Variants in ADGRA2 observed in about 807,000 individuals in gnomAD.
ADGRA2 encodes G-protein coupled receptor 124.
In ADGRA2, 61 loss-of-function variants were observed where a neutral mutation model predicts 98.7. That is an observed-to-expected ratio of 0.62 (90% CI 0.50 to 0.76). The LOEUF is 0.76. ADGRA2 is among the 30% of genes least tolerant of loss of function. The pLI, the probability that ADGRA2 is intolerant of heterozygous loss-of-function variation, is 0.00. For synonymous variants in ADGRA2, 858 were observed against 831.5 expected (o/e 1.03, Z -0.55); for missense variants, 1,712 against 1,860.0 (o/e 0.92, Z 1.46).
intron 2 of ADGRA2, among the ~76,000 whole-genome samples, chr8:37,822,119 G>A (rs749372573): frequency 2.6e-5 from 4 of 152,094 alleles, no homozygotes; most frequent in Non-Finnish European, 2.9e-5. Context: ...ATAACCTGTG[G>A]ATTGTTATCA....
chr8:37,812,170 G>A (rs1804853432), intron 1 of ADGRA2, among the ~76,000 whole-genome samples: 1 of 152,044 alleles, frequency 6.6e-6, no homozygotes, highest in Non-Finnish European at 1.5e-5. Flanking sequence ...TGTTGTTGTT[G>A]TTGTTGTTGT....
Position 37,840,856 on chromosome 8 carries a change from A to AGGGGC in ADGRA2, c.2747+7_2747+8insGGGGC. The AGGGGC allele has an allele frequency of 2.7e-6, 4 of 1,483,346 alleles. No homozygotes were observed. The highest frequency in any genetic ancestry group is 1.4e-5 in the African/African-American group (1 of 71,386). The allele number at this position is 1,483,346 out of a possible 1,614,324, so 91.9% of individuals were successfully genotyped here. A position where few individuals can be genotyped will look rare whatever the true frequency, so the allele number is the denominator to read the frequency against. ...ACCGGGACCACAGCCCCTAGTGAGC[A>AGGGGC]CCCCTCCCTCCCGCCCCAAGCCTAC... On this transcript the variant is annotated splice_region_variant and intron_variant, in intron 18 of 18. Coordinates refer to ENST00000412232, the MANE Select transcript of ADGRA2 (RefSeq NM_032777.10).
intron 2 of ADGRA2, among the ~76,000 whole-genome samples, chr8:37,816,593 AAC>A (rs545433349): frequency 0.082 from 10,800 of 131,002 alleles, 517 homozygotes; most frequent in East Asian, 0.17. Context: ...CTCCGTCTCA[AAC>A]ACACACACAC....
chr8:37,839,941 T>A (rs1024757505), intron 16 of ADGRA2, among the ~76,000 whole-genome samples, 180 bp from the exon 17 acceptor site: 1 of 151,784 alleles, frequency 6.6e-6, no homozygotes, highest in Non-Finnish European at 1.5e-5. Flanking sequence ...AACCCTGGGG[T>A]GAAGGCAGAG....
chr8:37,839,513 C>T lies in ADGRA2; in HGVS notation c.2402C>T (p.Ser801Phe). The change falls in exon 16 of 19, where the codon TCC becomes TTC. Residue 801 changes from serine to phenylalanine, a missense_variant. Ser to Phe is a radical substitution (Grantham distance 155). Transcript: ENST00000412232. ...YILNHSSIRVSRKGWHMLLNL... is the reference protein window; with the variant it reads ...YILNHSSIRVFRKGWHMLLNL... ...TTTCCGGGCAGCTCCATCCGTGTGT[C>T]CCGGAAAGGCTGGCACATGCTGCTG... 2 of 1,614,178 alleles carry T rather than the reference C, an allele frequency of 1.2e-6. No homozygotes were observed. Among genetic ancestry groups the T allele is most frequent in the South Asian group, 2.2e-5 (2 of 91,086 alleles).
intron 1 of ADGRA2, among the ~76,000 whole-genome samples, chr8:37,801,987 C>G (rs1804521749): frequency 6.6e-6 from 1 of 152,248 alleles, no homozygotes; most frequent in Non-Finnish European, 1.5e-5. Context: ...CCTGCTCGGC[C>G]TCCCATTCAG....
chr8:37,801,213 A>G (rs923225879), intron 1 of ADGRA2, among the ~76,000 whole-genome samples: 9 of 151,828 alleles, frequency 5.9e-5, no homozygotes, highest in African/African-American at 2.2e-4. Context: ...TCCTTTGCAT[A>G]TTTTTCTCTA....
intron 2 of ADGRA2, among the ~76,000 whole-genome samples, chr8:37,828,015 A>T (rs114539056): frequency 0.017 from 2,555 of 151,976 alleles, 72 homozygotes; most frequent in African/African-American, 0.054. Flanking sequence ...GGTGGCGCAC[A>T]CCTGTGGTGC....
Position 37,842,150 on chromosome 8 carries a change from A to G in ADGRA2, c.3812A>G (p.Gln1271Arg). The change falls in exon 19 of 19, where the codon CAG (glutamine) becomes CGG (arginine). Residue 1271 changes from glutamine (Q) to arginine (R), a missense_variant. By Grantham distance (43) the Gln-to-Arg change is conservative. Transcript: ENST00000412232. ...CTTTCTGAGGCGGGCCGGGCAGGCCAGCGCCGCAGCGCCAGCCGCGACAGT... is the reference window on the plus strand; with the variant it reads ...CTTTCTGAGGCGGGCCGGGCAGGCCGGCGCCGCAGCGCCAGCCGCGACAGT... Reference protein sequence around the residue: ...APLSEAGRAGQRRSASRDSLK... With the variant: ...APLSEAGRAGRRRSASRDSLK... The G allele has an allele frequency of 6.6e-7, 1 of 1,516,726 alleles. No individual in the cohort carries two copies. The highest frequency in any genetic ancestry group is 8.8e-7 in the Non-Finnish European group (1 of 1,137,216). 94.0% of individuals were successfully genotyped at this position (1,516,726 alleles called of 1,614,324 possible). A position where few individuals can be genotyped will look rare whatever the true frequency, so the allele number is the denominator to read the frequency against.
At chr8:37,800,952 C>CT (rs1256473629) in intron 1 of ADGRA2, among the ~76,000 whole-genome samples, 1 of 152,114 alleles carries the variant, frequency 6.6e-6, no homozygotes, top group Non-Finnish European at 1.5e-5. Flanking sequence ...ATGGAAGACC[C>CT]TTTTTTTCCT....
chr8:37,829,034 A>AC (rs1805373951), intron 3 of ADGRA2, 75 bp downstream of exon 3: 4 of 525,342 alleles, frequency 7.6e-6, no homozygotes, highest in Middle Eastern at 7.9e-4. Context: ...CTCCATGCCC[A>AC]CCCCCTTCCT....
chr8:37,800,112 C>T (rs949919286), intron 1 of ADGRA2, among the ~76,000 whole-genome samples: 5 of 152,168 alleles, frequency 3.3e-5, no homozygotes, highest in Admixed American at 2.6e-4. Flanking sequence ...TGTCTCCTCC[C>T]CATCAGGAAG....
At position 37,835,727 on chromosome 8, in the gene ADGRA2, CAAG is replaced by C; in HGVS notation, c.2009_2011del (p.Lys670del). The C allele has an allele frequency of 6.2e-7, 1 of 1,613,844 alleles. No individual in the cohort carries two copies. ...CCCGCCCTGGAGCTGCTGGGCCTGG[CAAG>C]AGGCGTGGCGTGGCCACCCCCGTCA... is the stretch of plus-strand genomic sequence containing the variant. On this transcript the variant is annotated inframe_deletion, in exon 13 of 19. Transcript: ENST00000412232.
Position 37,834,061 on chromosome 8 carries a change from G to A in ADGRA2, c.1541G>A (p.Arg514His), listed in dbSNP as rs201472750. The A allele has an allele frequency of 5.8e-5, 93 of 1,612,730 alleles. No homozygotes were observed. Among genetic ancestry groups the A allele is most frequent in the Admixed American group, 5.0e-5 (3 of 59,992 alleles). Residue 514 changes from arginine to histidine, a missense_variant, in exon 11 of 19, where the codon CGC (arginine) becomes CAC (histidine). By Grantham distance (29) the Arg-to-His change is conservative (BLOSUM62 0). Transcript: ENST00000412232. The surrounding 1 kb of genome is among the most constrained non-coding windows in gnomAD (Gnocchi z 4.2). ...LAQREDKACS[R>H]IVGALERIGG... The stretch of plus-strand genomic sequence containing the variant: ...CAGCGCGAGGACAAGGCCTGCAGCC[G>A]CATCGTGGGTGCCCTGGAGCGCATT...
At position 37,797,541 on chromosome 8, in the gene ADGRA2, A is replaced by G; in HGVS notation, c.266+7A>G. The G allele has an allele frequency of 7.3e-7, 1 of 1,372,844 alleles. No homozygotes were observed. Among genetic ancestry groups the G allele is most frequent in the Non-Finnish European group, 9.4e-7 (1 of 1,058,944 alleles). The allele number at this position is 1,372,844 out of a possible 1,614,324, so 85.0% of individuals were successfully genotyped here. On this transcript the variant is annotated splice_region_variant and intron_variant, in intron 1 of 18. Coordinates refer to ENST00000412232, the MANE Select transcript of ADGRA2 (RefSeq NM_032777.10). The surrounding 1 kb of genome is among the most constrained non-coding windows in gnomAD (Gnocchi z 5.3). ...CTAACGGCACCGTTACCCTGTGAGT[A>G]CCCTACCAGGCCAGTTCCGTCCGAG...
intron 12 of ADGRA2, 39 bp downstream of exon 12, chr8:37,835,437 G>A: frequency 6.3e-7 from 1 of 1,579,054 alleles, no homozygotes; most frequent in Non-Finnish European, 8.7e-7. Flanking sequence ...GGAGAAGGGA[G>A]GCACTCAGAT....
Position 37,806,391 on chromosome 8 carries a change from A to C in ADGRA2, c.267-8505A>C, listed in dbSNP as rs536630560. Among the ~76,000 whole-genome samples the C allele has an allele frequency of 2.0e-5, 3 of 152,108 alleles. No individual in the cohort carries two copies. In the East Asian group the frequency reaches 5.8e-4, roughly 29 times the overall value. ...TCAAGCCAGGATGCTGTGACCCCCA[A>C]ATCCCCATCAAGGTATACTGATTAC... On this transcript the variant is annotated intron_variant, in intron 1 of 18. Coordinates refer to ENST00000412232, the MANE Select transcript of ADGRA2 (RefSeq NM_032777.10).
intron 2 of ADGRA2, among the ~76,000 whole-genome samples, chr8:37,822,954 C>T (rs375519901): frequency 1.2e-4 from 18 of 148,002 alleles, no homozygotes; most frequent in Non-Finnish European, 1.6e-4. Context: ...TGCAGTGGTG[C>T]GATCTCGGCT....
intron 2 of ADGRA2, among the ~76,000 whole-genome samples, chr8:37,821,685 C>T (rs1421942234): frequency 6.6e-6 from 1 of 152,150 alleles, no homozygotes; most frequent in Non-Finnish European, 1.5e-5. Flanking sequence ...GGACACTGGC[C>T]CCCAGAGGCT....
Sources: allele counts gnomAD v4.1 joint callset (sites outside exome capture counted in the v4.1 genomes callset), GRCh38; gene constraint gnomAD v4.1.1; non-coding constraint Gnocchi (gnomAD v3.1); transcripts MANE v1.5; gene names NCBI Gene and HGNC (gene_info 2026-07-23, HGNC 2026-07-21).